The following MORN1 variants were observed in gnomAD, a reference collection of about 807,000 sequenced individuals.
The protein encoded by MORN1 is MORN repeat containing 1, also known as MORN repeat-containing protein 1.
A neutral mutation model predicts 61.9 loss-of-function variants in MORN1; 67 were observed. That is an observed-to-expected ratio of 1.08 (90% CI 0.89 to 1.33). MORN1 has a LOEUF of 1.33. MORN1 is among the 40% of genes most tolerant of loss of function. MORN1 has a pLI of 0.00. For synonymous variants in MORN1, 301 were observed against 292.0 expected, an observed-to-expected ratio of 1.03 and a Z score of -0.31; for missense variants, 752 against 691.2, an observed-to-expected ratio of 1.09 and a Z score of -0.99.
At chr1:2,328,376 C>CA (rs1641080524) in intron 12 of MORN1, among the ~76,000 whole-genome samples, 1 of 152,212 alleles carries the variant, frequency 6.6e-6, no homozygotes, top group Non-Finnish European at 1.5e-5. Context: ...GCCTGGGAGT[C>CA]AGAGAGTCCA....
At chr1:2,370,169 C>CG (rs535136709) in intron 8 of MORN1, among the ~76,000 whole-genome samples, 77 of 152,174 alleles carry the variant, frequency 5.1e-4, no homozygotes, top group Non-Finnish European at 8.8e-4. Flanking sequence ...GTGGAGCAGA[C>CG]GGGGGGTCCA....
intron 10 of MORN1, among the ~76,000 whole-genome samples, chr1:2,339,979 G>A (rs1321177386): frequency 1.3e-5 from 2 of 152,252 alleles, no homozygotes; most frequent in Non-Finnish European, 2.9e-5. Context: ...CGCCTCCGCC[G>A]CGCGGCTTCT....
rs773185716 is a variant in MORN1 at position 2,389,200 on chromosome 1, A to G, written c.148+725T>C. 5.1e-4 allele frequency among the ~76,000 whole-genome samples: 77 copies of G among 152,012 alleles called. 1 individual carries two copies. Among genetic ancestry groups the G allele is most frequent in the Non-Finnish European group, 5.9e-4 (40 of 68,012 alleles). ...GAGGAGTACAGTGGCGGGAACGTCC[A>G]CACCACCAAAGGTTCACGGCACTTG... On this transcript the variant is annotated intron_variant, in intron 2 of 13. Coordinates refer to ENST00000378531, the MANE Select transcript of MORN1 (RefSeq NM_024848.3).
chr1:2,376,853 C>T (rs1642249694), intron 6 of MORN1: 1 of 152,142 alleles, frequency 6.6e-6, no homozygotes, highest in African/African-American at 2.4e-5. Context: ...ATCAATCACA[C>T]CTTTGACAAT....
chr1:2,345,595 A>C (rs932921599), intron 10 of MORN1, among the ~76,000 whole-genome samples: 2 of 152,182 alleles, frequency 1.3e-5, no homozygotes, highest in African/African-American at 4.8e-5. Context: ...CAGCATTGCT[A>C]CTGACCAGAG....
intron 12 of MORN1, among the ~76,000 whole-genome samples, chr1:2,325,271 C>T (rs1641000188): frequency 9.5e-6 from 1 of 105,416 alleles, no homozygotes; most frequent in African/African-American, 4.5e-5. Context: ...CTCTCTGCCT[C>T]TCTTTCTCTC....
At chr1:2,375,589 G>C (rs1002807256) in intron 6 of MORN1, 2 of 152,630 alleles carry the variant, frequency 1.3e-5, no homozygotes, top group Non-Finnish European at 2.9e-5. Context: ...GCAGGGTGGG[G>C]GCAACTCACA....
chr1:2,345,017 C>T (rs368199115), intron 10 of MORN1, among the ~76,000 whole-genome samples: 182 of 152,216 alleles, frequency 1.2e-3, no homozygotes, highest in African/African-American at 3.8e-3. Flanking sequence ...AGGGTCCACG[C>T]GTGCTCACAG....
intron 6 of MORN1, chr1:2,376,320 GC>G: frequency 6.6e-6 from 1 of 152,384 alleles, no homozygotes; most frequent in Middle Eastern, 3.4e-3. Flanking sequence ...GGGGAGAGGC[GC>G]GAGTCAGCGC....
At position 2,391,318 on chromosome 1, in the gene MORN1, G is replaced by T. The variant is rs969387056; in HGVS notation, c.76+140C>A. On this transcript the variant is annotated intron_variant, in intron 1 of 13. Transcript: ENST00000378531. ...CGAGTCCTGTGGGAGTGGGGGACGC[G>T]GGGGCGGCCCTGGCTCCGCCGCGGC... The T allele has an allele frequency of 4.0e-6, 4 of 992,084 alleles. No homozygotes were observed. In the African/African-American group the frequency reaches 5.0e-5, roughly 12 times the overall value. 61.5% of individuals were successfully genotyped at this position (992,084 alleles called of 1,614,324 possible).
At chr1:2,355,311 C>A in intron 10 of MORN1, 2 of 1,470,622 alleles carry the variant, frequency 1.4e-6, no homozygotes, top group Non-Finnish European at 9.1e-7. Context: ...TGAGGCTTGG[C>A]CGCCTTGGCC....
chr1:2,385,157 C>G (rs1642464096), intron 5 of MORN1, 92 bp from the exon 6 acceptor site: 1 of 1,335,800 alleles, frequency 7.5e-7, no homozygotes, highest in Non-Finnish European at 1.0e-6. Flanking sequence ...GCTCCGCAGG[C>G]ACTGCGGGAC....
chr1:2,324,075 G>T (rs1357789496), intron 13 of MORN1, 22 bp downstream of exon 13: 2 of 1,588,606 alleles, frequency 1.3e-6, no homozygotes, highest in African/African-American at 1.3e-5. Flanking sequence ...GCCGGCGATG[G>T]ACTTGGGCCC....
chr1:2,333,672 C>A (rs1352970934), intron 12 of MORN1, among the ~76,000 whole-genome samples: 1 of 152,226 alleles, frequency 6.6e-6, no homozygotes, highest in African/African-American at 2.4e-5. Flanking sequence ...TGCCCTTCTC[C>A]ACCCCATTCA....
Position 2,321,546 on chromosome 1 carries a change from G to A in MORN1, c.1331C>T (p.Thr444Ile). Residue 444 changes from threonine (T) to isoleucine (I), a missense_variant, in exon 14 of 14, where the codon ACC (threonine) becomes ATC (isoleucine). Coordinates refer to ENST00000378531, the MANE Select transcript of MORN1 (RefSeq NM_024848.3). The part of the protein sequence containing the change: ...EYVLMIRDVT[T>I]PPFLGRRLPP... ...CAGCCTGCGCCCCAGGAACGGCGGG[G>A]TGGTCACGTCGCGGATCATGAGCAC... 1 of 1,528,334 alleles carries A rather than the reference G, an allele frequency of 6.5e-7. No individual in the cohort carries two copies. The highest frequency in any genetic ancestry group is 8.8e-7 in the Non-Finnish European group (1 of 1,135,750). The allele number at this position is 1,528,334 out of a possible 1,614,324, so 94.7% of individuals were successfully genotyped here. A position where few individuals can be genotyped will look rare whatever the true frequency, so the allele number is the denominator to read the frequency against.
At chr1:2,369,355 GAA>G (rs55703845) in intron 8 of MORN1, among the ~76,000 whole-genome samples, 42 of 80,632 alleles carry the variant, frequency 5.2e-4, no homozygotes, top group Middle Eastern at 7.0e-3. Context: ...CTCAGTCTCA[GAA>G]AAAAAAAAAA....
Position 2,334,556 on chromosome 1 carries a change from G to A in MORN1, c.1250+1913C>T, listed in dbSNP as rs1413218726. On this transcript the variant is annotated intron_variant, in intron 12 of 13. Coordinates refer to ENST00000378531, the MANE Select transcript of MORN1 (RefSeq NM_024848.3). The surrounding 1 kb of genome is among the most constrained non-coding windows in gnomAD (Gnocchi z 5.4). ...GGGGGAGCAGGCCTGGTTTTGGGCT[G>A]CCTGTCCCAACACGACGAGAGGGCC... 6.6e-6 allele frequency among the ~76,000 whole-genome samples: 1 copy of A among 152,068 alleles called. No individual in the cohort carries two copies. The highest frequency in any genetic ancestry group is 6.5e-5 in the Admixed American group (1 of 15,278).
At position 2,373,330 on chromosome 1, in the gene MORN1, T is replaced by C. The variant is rs560651157; in HGVS notation, c.635-739A>G. Reference sequence around the variant, plus strand: ...GTAATGGTGGGGCTGGGGAAGGGCCTGAAGCTCTGGCCCCTGTGGGAGCTC... The same window carrying C: ...GTAATGGTGGGGCTGGGGAAGGGCCCGAAGCTCTGGCCCCTGTGGGAGCTC... On this transcript the variant is annotated intron_variant, in intron 7 of 13. Coordinates refer to ENST00000378531, the MANE Select transcript of MORN1 (RefSeq NM_024848.3). Among the ~76,000 whole-genome samples, 4 of 152,264 alleles carry C rather than the reference T, an allele frequency of 2.6e-5. No homozygotes were observed. The South Asian group carries it at 8.3e-4, about 32-fold the overall frequency.
intron 2 of MORN1, 67 bp downstream of exon 2, chr1:2,389,858 C>T (rs556116596): frequency 2.1e-5 from 31 of 1,469,692 alleles, no homozygotes; most frequent in South Asian, 9.1e-5. Context: ...CCCAACCTCC[C>T]GGGGAGAAAC....
Sources: allele counts gnomAD v4.1 joint callset (sites outside exome capture counted in the v4.1 genomes callset), GRCh38; gene constraint gnomAD v4.1.1; non-coding constraint Gnocchi (gnomAD v3.1); transcripts MANE v1.5; gene names NCBI Gene and HGNC (gene_info 2026-07-23, HGNC 2026-07-21).